The following AGBL4 variants were observed in gnomAD, a reference collection of about 807,000 sequenced individuals.
The protein encoded by AGBL4 is AGBL carboxypeptidase 4, also known as cytosolic carboxypeptidase 6.
A neutral mutation model predicts 66.4 loss-of-function variants in AGBL4; 58 were observed. The ratio of observed to expected loss-of-function variants is 0.87; its 90% CI spans 0.71 to 1.09. The LOEUF is 1.09. AGBL4 is among the 50% of genes least tolerant of loss of function. The pLI is 0.00. For synonymous variants in AGBL4, 234 were observed against 222.9 expected (o/e 1.05, Z -0.44); for missense variants, 579 against 631.0 (o/e 0.92, Z 0.88).
At chr1:49,512,197 T>C (rs1429707068) in intron 3 of AGBL4, among the ~76,000 whole-genome samples, 2 of 151,946 alleles carry the variant, frequency 1.3e-5, no homozygotes, top group Admixed American at 1.3e-4. Flanking sequence ...AAATGTCCCT[T>C]AAAATGTGTA....
intron 3 of AGBL4, among the ~76,000 whole-genome samples, chr1:49,553,665 CAGTT>C (rs1317903980): frequency 1.3e-5 from 2 of 152,106 alleles, no homozygotes; most frequent in African/African-American, 4.8e-5. Context: ...TTATCACCAC[CAGTT>C]TATCCCTACC....
At chr1:49,586,003 A>G in intron 3 of AGBL4, among the ~76,000 whole-genome samples, 1 of 152,212 alleles carries the variant, frequency 6.6e-6, no homozygotes. Context: ...GTTAATTACA[A>G]GTTCTAAAAT....
In AGBL4 at chr1:49,194,846, T is replaced by G. The variant is rs1238636482; in HGVS notation, c.377+50924A>C. On this transcript the variant is annotated intron_variant, in intron 4 of 13. Transcript: ENST00000371839. ...TAATTGGGAATCATTGATCTGTTTT[T>G]TTTTTTTTTGAGTCAGGGTATTTCT... 1.1e-4 allele frequency among the ~76,000 whole-genome samples: 17 copies of G among 152,240 alleles called. 1 individual carries two copies. In the East Asian group the frequency reaches 3.3e-3, roughly 29 times the overall value.
chr1:49,165,573 T>C (rs980656788), intron 4 of AGBL4, among the ~76,000 whole-genome samples: 1 of 151,232 alleles, frequency 6.6e-6, no homozygotes. Flanking sequence ...ATTTAATAAA[T>C]AGTATAATCT....
chr1:48,796,976 C>G (rs989790731), intron 6 of AGBL4, among the ~76,000 whole-genome samples: 1 of 152,258 alleles, frequency 6.6e-6, no homozygotes, highest in Admixed American at 6.5e-5. Flanking sequence ...ATCATATGTC[C>G]TTCTAGGGGT....
chr1:49,723,241 C>A (rs552806664), intron 2 of AGBL4, among the ~76,000 whole-genome samples: 1 of 152,080 alleles, frequency 6.6e-6, no homozygotes, highest in African/African-American at 2.4e-5. Flanking sequence ...TAGTCCTTAA[C>A]CTTGGCTCAA....
intron 1 of AGBL4, among the ~76,000 whole-genome samples, chr1:49,975,034 G>A (rs1196920775): frequency 6.6e-6 from 1 of 152,122 alleles, no homozygotes; most frequent in Non-Finnish European, 1.5e-5. Flanking sequence ...GATATCAAAT[G>A]ATGTGGTAGT....
At chr1:49,736,855 C>A (rs1309879168) in intron 2 of AGBL4, among the ~76,000 whole-genome samples, 2 of 151,512 alleles carry the variant, frequency 1.3e-5, no homozygotes, top group Non-Finnish European at 2.9e-5. Context: ...GGGCAAAGGA[C>A]ATGAACAGAC....
intron 5 of AGBL4, among the ~76,000 whole-genome samples, chr1:48,973,811 T>C (rs1479954233): frequency 6.6e-6 from 1 of 151,796 alleles, no homozygotes; most frequent in Non-Finnish European, 1.5e-5. Flanking sequence ...CTAGGAACTG[T>C]CATCTACACT....
chr1:48,555,271 T>C (rs1002777861), intron 11 of AGBL4, among the ~76,000 whole-genome samples: 4 of 152,150 alleles, frequency 2.6e-5, no homozygotes, highest in Admixed American at 6.5e-5. Context: ...CCAGATACTT[T>C]TCTAGTTTCA....
intron 3 of AGBL4, among the ~76,000 whole-genome samples, chr1:49,424,877 T>G (rs1645622596): frequency 6.6e-6 from 1 of 152,132 alleles, no homozygotes; most frequent in African/African-American, 2.4e-5. Context: ...GAAATTTACT[T>G]CCTAGGTAAG....
intron 1 of AGBL4, among the ~76,000 whole-genome samples, chr1:49,902,982 A>G (rs1649915696): frequency 6.6e-6 from 1 of 152,184 alleles, no homozygotes; most frequent in African/African-American, 2.4e-5. Flanking sequence ...CATTCAACCC[A>G]GTAATCCCAT....
At chr1:49,589,655 T>C (rs1021661444) in intron 3 of AGBL4, among the ~76,000 whole-genome samples, 2 of 152,110 alleles carry the variant, frequency 1.3e-5, no homozygotes, top group African/African-American at 2.4e-5. Context: ...TTGCATGAGA[T>C]TGGAAAATAT....
chr1:48,616,235 A>C (rs575583972), intron 9 of AGBL4, among the ~76,000 whole-genome samples: 1 of 152,280 alleles, frequency 6.6e-6, no homozygotes, highest in South Asian at 2.1e-4. Context: ...TTGAATTTTA[A>C]TAAGATATCC....
At position 48,865,658 on chromosome 1, in the gene AGBL4, C is replaced by T. The variant is rs371145308; in HGVS notation, c.634+1533G>A. Among the ~76,000 whole-genome samples, 22 of 152,144 alleles carry T rather than the reference C, an allele frequency of 1.4e-4. No homozygotes were observed. In the East Asian group the frequency reaches 1.7e-3, roughly 12 times the overall value. ...TAATTAGGAACAGAAAGAGGTTGTA[C>T]AAAAGAAATGCACTTAACAGAGCCT... is the stretch of plus-strand genomic sequence containing the variant. On this transcript the variant is annotated intron_variant, in intron 6 of 13. Transcript: ENST00000371839.
At chr1:49,248,909 C>T (rs1258728856) in intron 3 of AGBL4, among the ~76,000 whole-genome samples, 1 of 152,004 alleles carries the variant, frequency 6.6e-6, no homozygotes, top group Non-Finnish European at 1.5e-5. Flanking sequence ...TGCTCTATAT[C>T]AGAGCTCTGT....
chr1:49,254,431 A>T (rs1652313633), intron 3 of AGBL4, among the ~76,000 whole-genome samples: 1 of 152,216 alleles, frequency 6.6e-6, no homozygotes. Context: ...CAAAAAGAAT[A>T]AAATACCTAG....
At chr1:48,853,112 T>C (rs1647069888) in intron 6 of AGBL4, among the ~76,000 whole-genome samples, 1 of 152,202 alleles carries the variant, frequency 6.6e-6, no homozygotes. Flanking sequence ...TTAGTCACTC[T>C]GAAGGAAGTC....
At chr1:49,515,069 G>A (rs1183656953) in intron 3 of AGBL4, among the ~76,000 whole-genome samples, 4 of 152,084 alleles carry the variant, frequency 2.6e-5, no homozygotes, top group African/African-American at 9.7e-5. Context: ...CTTCTGCACA[G>A]CAAAAGAAAT....
Sources: gnomAD v4.1 joint callset for allele counts (sites outside exome capture counted in the v4.1 genomes callset) on GRCh38, gnomAD v4.1.1 for gene constraint, MANE v1.5 for transcripts, NCBI Gene and HGNC (gene_info 2026-07-23, HGNC 2026-07-21) for gene names.